SLC9A8: variants seen among roughly 807,000 people sequenced by gnomAD.
SLC9A8 encodes solute carrier family 9 member A8, also known as sodium/hydrogen exchanger 8.
A neutral mutation model predicts 66.6 loss-of-function variants in SLC9A8; 48 were observed. The observed-to-expected ratio is 0.72, with a 90% CI of 0.57 to 0.92. The LOEUF is 0.92. Ranked by LOEUF, SLC9A8 falls within the 40% of genes least tolerant of loss-of-function variation. The pLI, the probability that SLC9A8 is intolerant of heterozygous loss-of-function variation, is 0.00. For missense variants in SLC9A8, 599 were observed against 747.3 expected, an observed-to-expected ratio of 0.80 and a Z score of 2.31; for synonymous variants, 274 against 282.6, an observed-to-expected ratio of 0.97 and a Z score of 0.31.
chr20:49,836,641 G>A (rs984323937), intron 3 of SLC9A8, among the ~76,000 whole-genome samples: 5 of 152,204 alleles, frequency 3.3e-5, no homozygotes, highest in African/African-American at 1.2e-4. Flanking sequence ...TCCACCCTGT[G>A]ACTGTTTGAA....
At position 49,886,740 on chromosome 20, in the gene SLC9A8, C is replaced by T. The variant is rs1262181449; in HGVS notation, c.1492-12C>T. On this transcript the variant is annotated splice_polypyrimidine_tract_variant and intron_variant, in intron 14 of 15. Coordinates refer to ENST00000361573, the MANE Select transcript of SLC9A8 (RefSeq NM_015266.3). The surrounding 1 kb of genome is among the most constrained non-coding windows in gnomAD (Gnocchi z 4.8). ...GCTGGTGGCCGTCGGGCCGCCTTTCCTCCCTGCTCAGGGCAACACTGTGGA... is the reference window on the plus strand; with the variant it reads ...GCTGGTGGCCGTCGGGCCGCCTTTCTTCCCTGCTCAGGGCAACACTGTGGA... The T allele has an allele frequency of 1.2e-6, 2 of 1,608,942 alleles. No homozygotes were observed. The highest frequency in any genetic ancestry group is 1.1e-5 in the South Asian group (1 of 90,282).
At chr20:49,828,064 CA>C (rs1328926114) in intron 3 of SLC9A8, among the ~76,000 whole-genome samples, 18,426 of 131,114 alleles carry the variant, frequency 0.14, 1,402 homozygotes, top group Non-Finnish European at 0.16. Context: ...GTACCCCCAC[CA>C]AAAAAAAATT....
Position 49,874,697 on chromosome 20 carries a change from C to T in SLC9A8, c.959-8C>T, listed in dbSNP as rs775344161. 2 of 1,534,646 alleles carry T rather than the reference C, an allele frequency of 1.3e-6. No individual in the cohort carries two copies. Among genetic ancestry groups the T allele is most frequent in the South Asian group, 1.1e-5 (1 of 89,336 alleles). On this transcript the variant is annotated splice_polypyrimidine_tract_variant and splice_region_variant and intron_variant, in intron 10 of 15. Coordinates refer to ENST00000361573, the MANE Select transcript of SLC9A8 (RefSeq NM_015266.3). ...CAGTGCTTTCTGTTCTGTTCTCTCC[C>T]TCTCTAGGCATCATGGCCATCCTTT...
At chr20:49,838,706 T>C (rs955472361) in intron 3 of SLC9A8, among the ~76,000 whole-genome samples, 1 of 152,172 alleles carries the variant, frequency 6.6e-6, no homozygotes, top group African/African-American at 2.4e-5. Context: ...GAAAGTGAAG[T>C]CTTCGTTTTG....
intron 5 of SLC9A8, among the ~76,000 whole-genome samples, chr20:49,847,249 TC>T (rs398121358): frequency 2.1e-5 from 3 of 141,722 alleles, no homozygotes; most frequent in African/African-American, 4.9e-5. Context: ...ACCATGTCTT[TC>T]CTTTCACTTT....
At chr20:49,821,850 C>T (rs2086750549) in intron 2 of SLC9A8, among the ~76,000 whole-genome samples, 1 of 152,132 alleles carries the variant, frequency 6.6e-6, no homozygotes, top group Non-Finnish European at 1.5e-5. Flanking sequence ...TTCATAACAA[C>T]ACCTCTGTGA....
At chr20:49,880,073 C>A (rs2089570196) in intron 12 of SLC9A8, among the ~76,000 whole-genome samples, 1 of 151,754 alleles carries the variant, frequency 6.6e-6, no homozygotes, top group African/African-American at 2.4e-5. Flanking sequence ...CCAGCCTGGG[C>A]AACATAGCAA....
At chr20:49,823,181 A>C in intron 3 of SLC9A8, 40 bp downstream of exon 3, 1 of 1,479,638 alleles carries the variant, frequency 6.8e-7, no homozygotes, top group South Asian at 1.2e-5. Flanking sequence ...AAGCAGTAAC[A>C]ATAACTACCA....
chr20:49,875,848 C>A (rs995373953), intron 11 of SLC9A8, among the ~76,000 whole-genome samples: 3 of 152,054 alleles, frequency 2.0e-5, no homozygotes, highest in Non-Finnish European at 4.4e-5. Flanking sequence ...CATTCTCCTA[C>A]CTCAGCCTCC....
At chr20:49,858,616 G>A (rs2088603105) in intron 8 of SLC9A8, among the ~76,000 whole-genome samples, 1 of 151,884 alleles carries the variant, frequency 6.6e-6, no homozygotes, top group African/African-American at 2.4e-5. Flanking sequence ...GGGAAATGAT[G>A]GAGTCATCGT....
In SLC9A8 at chr20:49,886,803, G is replaced by C. The variant is rs756377636; in HGVS notation, c.1543G>C (p.Glu515Gln). 2.5e-6 allele frequency: 4 copies of C among 1,614,192 alleles called. No individual in the cohort carries two copies. The highest frequency in any genetic ancestry group is 3.4e-6 in the Non-Finnish European group (4 of 1,180,020). ...HLSELTEEEY[E>Q]AHYIRRQDLK... ...GTCGGAGCTCACGGAGGAGGAGTAC[G>C]AGGCCCACTACATCAGGCGGCAGGA... Residue 515 changes from glutamate to glutamine, a missense_variant, in exon 15 of 16, where the codon GAG (glutamate) becomes CAG (glutamine). Glu to Gln is a conservative substitution (Grantham distance 29). Around this residue, in one of 2 missense-constraint regions of SLC9A8, gnomAD observed 467 missense variants for 626.5 expected, o/e 0.75. Coordinates refer to ENST00000361573, the MANE Select transcript of SLC9A8 (RefSeq NM_015266.3). The surrounding 1 kb of genome is among the most constrained non-coding windows in gnomAD (Gnocchi z 4.8).
At chr20:49,856,190 C>T (rs891524027) in intron 8 of SLC9A8, among the ~76,000 whole-genome samples, 10 of 152,210 alleles carry the variant, frequency 6.6e-5, no homozygotes, top group South Asian at 6.2e-4. Flanking sequence ...TCCTAGGCCC[C>T]ACCCTCAGAG....
chr20:49,839,541 G>GT lies in SLC9A8; in HGVS notation c.291dup (p.Ile98TyrfsTer13), dbSNP rs767223227. The GT allele has an allele frequency of 6.5e-7, 1 of 1,538,852 alleles. No individual in the cohort carries two copies. Among genetic ancestry groups the GT allele is most frequent in the Non-Finnish European group, 9.0e-7 (1 of 1,116,772 alleles). On this transcript the variant is annotated frameshift_variant and splice_region_variant, in exon 4 of 16. Transcript: ENST00000361573. LOFTEE classifies it high-confidence loss of function. ...TTAAAGTTTACATTTTCTCTTGTAGGTATTCTCATGGGAGCAGTTATAAAA... is the reference window on the plus strand; with the variant it reads ...TTAAAGTTTACATTTTCTCTTGTAGGTTATTCTCATGGGAGCAGTTATAAAA...
rs147704570 is a variant in SLC9A8, at chr20:49,850,343, G to A, written c.535-467G>A. ...GTCACATTCTTTTCCTTTATTGTCA[G>A]TTGCAGAAAGTTTGCCTGTCTCAGT... On this transcript the variant is annotated intron_variant, in intron 6 of 15. Transcript: ENST00000361573. 6.6e-5 allele frequency among the ~76,000 whole-genome samples: 10 copies of A among 152,278 alleles called. No individual in the cohort carries two copies. The East Asian group carries it at 1.7e-3, about 26-fold the overall frequency.
At chr20:49,884,336 A>ACCC (rs57249630) in intron 14 of SLC9A8, among the ~76,000 whole-genome samples, 1 of 108,476 alleles carries the variant, frequency 9.2e-6, no homozygotes, top group Non-Finnish European at 1.9e-5. Context: ...ACACACACAC[A>ACCC]CCCCCCGGTC....
In SLC9A8 at chr20:49,830,778, A is replaced by G. The variant is rs1271179526; in HGVS notation, c.289+7637A>G. On this transcript the variant is annotated intron_variant, in intron 3 of 15. Transcript: ENST00000361573. ...AGTCCAAGGGAGCTTCATAGCCATGATCACTGAGGTGCTGACCCTGGCCTA... is the reference window on the plus strand; with the variant it reads ...AGTCCAAGGGAGCTTCATAGCCATGGTCACTGAGGTGCTGACCCTGGCCTA... The G allele has an allele frequency of 7.1e-6, 6 of 850,414 alleles. No individual in the cohort carries two copies. The East Asian group carries it at 1.2e-4, about 17-fold the overall frequency. 52.7% of individuals were successfully genotyped at this position (850,414 alleles called of 1,614,324 possible).
chr20:49,875,477 T>C (rs1015441477), intron 11 of SLC9A8, among the ~76,000 whole-genome samples: 2 of 152,204 alleles, frequency 1.3e-5, no homozygotes, highest in African/African-American at 4.8e-5. Flanking sequence ...AAGAGCAGCC[T>C]GAGGGACATC....
chr20:49,813,557 A>G lies in SLC9A8; in HGVS notation c.26+609A>G, dbSNP rs2086437602. ...TTTGTGCCTAGTGTTCCATTATTGG[A>G]ACGCTAAGCATGTGGGAGTTATTTA... On this transcript the variant is annotated intron_variant, in intron 1 of 15. Coordinates refer to ENST00000361573, the MANE Select transcript of SLC9A8 (RefSeq NM_015266.3). 2.0e-5 allele frequency among the ~76,000 whole-genome samples: 3 copies of G among 152,188 alleles called. No homozygotes were observed. The South Asian group carries it at 6.2e-4, about 32-fold the overall frequency.
At chr20:49,813,012 C>G (rs565857171) in intron 1 of SLC9A8, 64 bp downstream of exon 1, 57 of 1,306,484 alleles carry the variant, frequency 4.4e-5, no homozygotes, top group Non-Finnish European at 5.1e-5. Flanking sequence ...TGACAGCGAG[C>G]GCCTCAGGCC....
Sources: gnomAD v4.1 joint callset for allele counts (sites outside exome capture counted in the v4.1 genomes callset) on GRCh38, gnomAD v4.1.1 for gene constraint, gnomAD v4.1.1 regional missense constraint, Gnocchi (gnomAD v3.1) non-coding constraint, MANE v1.5 for transcripts, NCBI Gene and HGNC (gene_info 2026-07-23, HGNC 2026-07-21) for gene names.